CTTNBP2NL: variants seen among roughly 807,000 people sequenced by gnomAD.
CTTNBP2NL encodes the protein CTTNBP2 N-terminal like, also known as CTTNBP2 N-terminal-like protein.
CTTNBP2NL carries 16 observed loss-of-function variants against 32.5 expected under a neutral mutation model. That is an observed-to-expected ratio of 0.49 (90% CI 0.33 to 0.75). The LOEUF is 0.75. Among genes scored for constraint, CTTNBP2NL ranks in the 30% least tolerant of loss-of-function variants. The pLI is 0.02. For missense variants in CTTNBP2NL, 645 were observed against 756.0 expected, an observed-to-expected ratio of 0.85 and a Z score of 1.72; for synonymous variants, 298 against 289.4, an observed-to-expected ratio of 1.03 and a Z score of -0.30.
intron 3 of CTTNBP2NL, among the ~76,000 whole-genome samples, chr1:112,420,453 A>G (rs986663495): frequency 1.3e-5 from 2 of 148,638 alleles, no homozygotes; most frequent in Non-Finnish European, 3.0e-5. Context: ...TGGAGTGGCT[A>G]TTTTTATTCC....
chr1:112,425,170 G>A (rs1021702276), intron 3 of CTTNBP2NL, among the ~76,000 whole-genome samples: 3 of 151,820 alleles, frequency 2.0e-5, no homozygotes, highest in African/African-American at 7.3e-5. Flanking sequence ...GTTTATTGCT[G>A]TTTTACAGAA....
At chr1:112,446,679 T>C (rs1024093939) in intron 3 of CTTNBP2NL, among the ~76,000 whole-genome samples, 6 of 152,306 alleles carry the variant, frequency 3.9e-5, no homozygotes, top group African/African-American at 1.2e-4. Context: ...GCCTCCCAAG[T>C]AGCTGGGGCT....
chr1:112,442,725 C>G (rs752029811), intron 3 of CTTNBP2NL, among the ~76,000 whole-genome samples: 16 of 151,764 alleles, frequency 1.1e-4, no homozygotes, highest in Non-Finnish European at 2.1e-4. Context: ...GAGTCTCGCT[C>G]TGTCGCCCAG....
intron 3 of CTTNBP2NL, among the ~76,000 whole-genome samples, chr1:112,446,777 TG>T (rs1557896369): frequency 6.6e-6 from 1 of 152,178 alleles, no homozygotes; most frequent in Non-Finnish European, 1.5e-5. Flanking sequence ...CTTAAACTCC[TG>T]GGCTCAAGTG....
chr1:112,437,209 A>G (rs1444208622), intron 3 of CTTNBP2NL, among the ~76,000 whole-genome samples: 1 of 152,138 alleles, frequency 6.6e-6, no homozygotes. Flanking sequence ...TTGCCAGACT[A>G]CTTTCCACAA....
At position 112,422,891 on chromosome 1, in the gene CTTNBP2NL, C is replaced by G. The variant is rs139974742; in HGVS notation, c.99+6627C>G. 3.5e-3 allele frequency among the ~76,000 whole-genome samples: 526 copies of G among 152,184 alleles called. 3 individuals are homozygous for G. Among genetic ancestry groups the G allele is most frequent in the African/African-American group, 0.012 (489 of 41,526 alleles). Reference sequence around the variant, plus strand: ...CACTGCAGCCTCAACCTCTTGGGCTCCAGCAATCCTCCAGCCTCAGCCTCC... The same window carrying G: ...CACTGCAGCCTCAACCTCTTGGGCTGCAGCAATCCTCCAGCCTCAGCCTCC... On this transcript the variant is annotated intron_variant, in intron 3 of 5. Coordinates refer to ENST00000271277, the MANE Select transcript of CTTNBP2NL (RefSeq NM_018704.3).
intron 3 of CTTNBP2NL, among the ~76,000 whole-genome samples, chr1:112,422,592 T>A (rs1241609207): frequency 6.6e-6 from 1 of 152,226 alleles, no homozygotes; most frequent in Non-Finnish European, 1.5e-5. Context: ...ATTGTACCAT[T>A]TTACATTCCA....
At chr1:112,438,939 A>G (rs1012363037) in intron 3 of CTTNBP2NL, among the ~76,000 whole-genome samples, 4 of 152,140 alleles carry the variant, frequency 2.6e-5, no homozygotes, top group African/African-American at 9.7e-5. Flanking sequence ...TGTTCTCTAG[A>G]GAAGAATGAT....
Position 112,456,378 on chromosome 1 carries a change from G to A in CTTNBP2NL, c.886G>A (p.Val296Met), listed in dbSNP as rs1175640. 9,778 of 1,613,998 alleles carry A rather than the reference G, an allele frequency of 6.1e-3. 294 individuals are homozygous for A. In the African/African-American group the frequency reaches 0.085, roughly 14 times the overall value. Residue 296 changes from valine (V) to methionine (M), a missense_variant, in exon 6 of 6, where the codon GTG becomes ATG. Val to Met is a conservative substitution (Grantham distance 21). Transcript: ENST00000271277. ...PNEQLKKPVT[V>M]SKGTATEPLM... Reference sequence around the variant, plus strand: ...TGAGCAATTGAAGAAACCAGTAACCGTGTCCAAAGGCACAGCAACTGAGCC... The same window carrying A: ...TGAGCAATTGAAGAAACCAGTAACCATGTCCAAAGGCACAGCAACTGAGCC...
intron 1 of CTTNBP2NL, among the ~76,000 whole-genome samples, chr1:112,408,268 G>A (rs904761414): frequency 3.8e-5 from 5 of 130,806 alleles, no homozygotes; most frequent in East Asian, 2.2e-4. Flanking sequence ...GGCCTTGAGC[G>A]CCTGGCCTCA....
At chr1:112,395,637 T>C (rs897663692), upstream of CTTNBP2NL, among the ~76,000 whole-genome samples, 2 of 152,204 alleles carry the variant, frequency 1.3e-5, no homozygotes, top group Non-Finnish European at 2.9e-5. Flanking sequence ...TATCCTCTTC[T>C]GTACAAAATG....
At chr1:112,391,741 A>G (rs535593834), upstream of CTTNBP2NL, among the ~76,000 whole-genome samples, 39 of 152,160 alleles carry the variant, frequency 2.6e-4, no homozygotes, top group African/African-American at 9.2e-4. Context: ...TGTAATCCCA[A>G]CACTTTGGGA....
intron 3 of CTTNBP2NL, among the ~76,000 whole-genome samples, chr1:112,427,082 T>C (rs1343559832): frequency 2.6e-5 from 4 of 152,200 alleles, no homozygotes; most frequent in African/African-American, 9.7e-5. Flanking sequence ...AAATACAAAG[T>C]GTGAATTTTT....
intron 4 of CTTNBP2NL, among the ~76,000 whole-genome samples, chr1:112,453,137 GGAGGGAGAGGGA>G (rs747327897): frequency 2.6e-5 from 4 of 151,658 alleles, no homozygotes; most frequent in African/African-American, 9.7e-5. Context: ...AGGGGGTGGG[GGAGGGAGAGGGA>G]GAGGGAGAAA....
chr1:112,391,965 T>C (rs1393250453), upstream of CTTNBP2NL, among the ~76,000 whole-genome samples: 1 of 151,204 alleles, frequency 6.6e-6, no homozygotes, highest in African/African-American at 2.5e-5. Context: ...CACTCCAGTC[T>C]GGGCAACAGA....
chr1:112,400,669 G>A (rs1363165357), intron 1 of CTTNBP2NL, among the ~76,000 whole-genome samples: 1 of 152,178 alleles, frequency 6.6e-6, no homozygotes, highest in African/African-American at 2.4e-5. Flanking sequence ...GCACATGCCT[G>A]TAATCCCAGC....
intron 3 of CTTNBP2NL, among the ~76,000 whole-genome samples, chr1:112,445,236 C>T (rs1650004778): frequency 1.3e-5 from 2 of 152,158 alleles, no homozygotes; most frequent in Admixed American, 1.3e-4. Flanking sequence ...AAGCCCCTCC[C>T]AGATTCCTGA....
intron 3 of CTTNBP2NL, among the ~76,000 whole-genome samples, chr1:112,442,716 A>T (rs962646831): frequency 1.3e-5 from 2 of 150,420 alleles, no homozygotes; most frequent in African/African-American, 4.9e-5. Flanking sequence ...CTTTTAAGAG[A>T]GTCTCGCTCT....
At chr1:112,420,245 A>G (rs995408803) in intron 3 of CTTNBP2NL, among the ~76,000 whole-genome samples, 8 of 149,522 alleles carry the variant, frequency 5.4e-5, no homozygotes, top group African/African-American at 1.2e-4. Flanking sequence ...TCCTGAGTTC[A>G]AGTGATTCTC....
Sources: gnomAD v4.1 joint callset for allele counts (sites outside exome capture counted in the v4.1 genomes callset) on GRCh38, gnomAD v4.1.1 for gene constraint, MANE v1.5 for transcripts, NCBI Gene and HGNC (gene_info 2026-07-23, HGNC 2026-07-21) for gene names.